Variants in LRRC8B observed in about 807,000 individuals in gnomAD.
LRRC8B encodes the protein volume-regulated anion channel subunit LRRC8B.
A neutral mutation model predicts 58.8 loss-of-function variants in LRRC8B; 23 were observed. That is an observed-to-expected ratio of 0.39 (90% confidence interval 0.28 to 0.55). LRRC8B has a LOEUF of 0.55. Ranked by LOEUF, LRRC8B falls within the 20% of genes least tolerant of loss-of-function variation. The pLI is 0.62. For missense variants in LRRC8B, 694 were observed against 936.0 expected, an observed-to-expected ratio of 0.74 and a Z score of 3.37; for synonymous variants, 359 against 374.1, an observed-to-expected ratio of 0.96 and a Z score of 0.47.
At chr1:89,573,432 T>C (rs182667580) in intron 3 of LRRC8B, among the ~76,000 whole-genome samples, 221 of 152,270 alleles carry the variant, frequency 1.5e-3, no homozygotes, top group Non-Finnish European at 2.5e-3. Flanking sequence ...TTTTATTTCA[T>C]TTATTCAATA....
chr1:89,591,363 G>C (rs1189821673), intron 5 of LRRC8B, among the ~76,000 whole-genome samples: 1 of 152,172 alleles, frequency 6.6e-6, no homozygotes, highest in African/African-American at 2.4e-5. Context: ...TTAGAAAGAG[G>C]TTGCATTTCT....
At chr1:89,567,939 A>G (rs1653162843) in intron 1 of LRRC8B, among the ~76,000 whole-genome samples, 1 of 152,274 alleles carries the variant, frequency 6.6e-6, no homozygotes, top group Non-Finnish European at 1.5e-5. Flanking sequence ...TGGCAAAAAA[A>G]GGTCTCAGTA....
At chr1:89,557,760 T>C (rs1652299104) in intron 1 of LRRC8B, among the ~76,000 whole-genome samples, 1 of 152,256 alleles carries the variant, frequency 6.6e-6, no homozygotes. Context: ...TATATGTTTT[T>C]CCTAATTTTT....
intron 3 of LRRC8B, among the ~76,000 whole-genome samples, chr1:89,575,508 A>G (rs1169947790): frequency 6.6e-6 from 1 of 152,154 alleles, no homozygotes; most frequent in Non-Finnish European, 1.5e-5. Flanking sequence ...ACTATGAAGT[A>G]AAAAAACCTC....
rs764726300 is a variant in LRRC8B at position 89,583,501 on chromosome 1, C to G, written c.851C>G (p.Thr284Ser). The G allele has an allele frequency of 3.1e-6, 5 of 1,613,712 alleles. No homozygotes were observed. Among genetic ancestry groups the G allele is most frequent in the Admixed American group, 3.3e-5 (2 of 60,024 alleles). ...GTTCCATATTTTTTAACCCACATCACTCTTGAAATCGACTGTTCAGTTGAT... is the reference window on the plus strand; with the variant it reads ...GTTCCATATTTTTTAACCCACATCAGTCTTGAAATCGACTGTTCAGTTGAT... ...TYVPYFLTHITLEIDCSVDVQ... is the reference protein window; with the variant it reads ...TYVPYFLTHISLEIDCSVDVQ... Residue 284 changes from threonine (T) to serine (S), a missense_variant, in exon 5 of 6, where the codon ACT (threonine) becomes AGT (serine). By Grantham distance (58) the Thr-to-Ser change is moderately conservative. Around this residue, in one of 5 missense-constraint regions of LRRC8B, gnomAD observed 316 missense variants for 403.8 expected, o/e 0.78. Coordinates refer to ENST00000330947, the MANE Select transcript of LRRC8B (RefSeq NM_001369817.2). The surrounding 1 kb of genome is among the most constrained non-coding windows in gnomAD (Gnocchi z 5.2).
chr1:89,559,112 G>A (rs561137679), intron 1 of LRRC8B: 3 of 152,270 alleles, frequency 2.0e-5, no homozygotes, highest in East Asian at 1.9e-4. Context: ...CACACATCTC[G>A]GTATATAGCC....
Position 89,546,231 on chromosome 1 carries a change from C to A in LRRC8B, c.-241+21209C>A, listed in dbSNP as rs539931860. ...GGATTTGTGAATGTATGCTGTGGAG[C>A]CTTGGTGAGTGCTAGTAGGCACTGG... On this transcript the variant is annotated intron_variant, in intron 1 of 5. Transcript: ENST00000330947. Among the ~76,000 whole-genome samples, 86 of 152,076 alleles carry A rather than the reference C, an allele frequency of 5.7e-4. 1 individual carries two copies. The highest frequency in any genetic ancestry group is 1.6e-3 in the African/African-American group (68 of 41,484).
At chr1:89,546,175 G>A (rs1430018402) in intron 1 of LRRC8B, among the ~76,000 whole-genome samples, 1 of 152,150 alleles carries the variant, frequency 6.6e-6, no homozygotes, top group Non-Finnish European at 1.5e-5. Context: ...GGTTGGAAAA[G>A]CGGCCTGGTA....
At chr1:89,560,551 C>A (rs1236509167) in intron 1 of LRRC8B, among the ~76,000 whole-genome samples, 1 of 150,184 alleles carries the variant, frequency 6.7e-6, no homozygotes, top group Non-Finnish European at 1.5e-5. Context: ...CCCACCCCAC[C>A]ACAGTCCCCA....
Position 89,588,619 on chromosome 1 carries a change from G to A in LRRC8B, c.2139+3830G>A, listed in dbSNP as rs201115782. Among the ~76,000 whole-genome samples, 37 of 152,340 alleles carry A rather than the reference G, an allele frequency of 2.4e-4. No homozygotes were observed. In the East Asian group the frequency reaches 5.8e-3, roughly 24 times the overall value. ...TGTTTGATTCATTGGATAGTGACTA[G>A]GGTGAGACTTGAGCTTGAAAGTGCT... On this transcript the variant is annotated intron_variant, in intron 5 of 5. Transcript: ENST00000330947.
intron 1 of LRRC8B, among the ~76,000 whole-genome samples, chr1:89,553,918 T>A (rs1651995411): frequency 1.3e-5 from 2 of 152,184 alleles, no homozygotes; most frequent in Non-Finnish European, 2.9e-5. Context: ...TAAATGTATT[T>A]TTCTGTCATT....
chr1:89,560,671 A>G (rs1384614228), intron 1 of LRRC8B, among the ~76,000 whole-genome samples: 1 of 149,924 alleles, frequency 6.7e-6, no homozygotes, highest in East Asian at 1.9e-4. Flanking sequence ...TTTACTGAGA[A>G]TGATGATTTC....
chr1:89,566,523 C>A (rs1419137714), intron 1 of LRRC8B, among the ~76,000 whole-genome samples: 3 of 152,156 alleles, frequency 2.0e-5, no homozygotes, highest in Non-Finnish European at 4.4e-5. Flanking sequence ...CAAACAAGAT[C>A]CCAGTGACTA....
chr1:89,536,566 A>G (rs1360394538), intron 1 of LRRC8B, among the ~76,000 whole-genome samples: 2 of 152,222 alleles, frequency 1.3e-5, no homozygotes. Context: ...TCCAACAGAG[A>G]AAACAGAAAA....
intron 3 of LRRC8B, among the ~76,000 whole-genome samples, chr1:89,576,607 C>T (rs1653868221): frequency 6.6e-6 from 1 of 152,140 alleles, no homozygotes. Context: ...AGACCTACTT[C>T]CTACCTTACA....
rs910355292 is a variant in LRRC8B at position 89,595,619 on chromosome 1, G to A, written c.*2576G>A. The A allele has an allele frequency of 6.6e-6, 1 of 152,034 alleles. No homozygotes were observed. The highest frequency in any genetic ancestry group is 1.5e-5 in the Non-Finnish European group (1 of 67,940). The allele number at this position is 152,034 out of a possible 1,614,324, so 9.4% of individuals were successfully genotyped here. ...CACACACTAGGGTATAATTATTGGTGCAATCTATGTTGTTCTTGATGCCAT... is the reference window on the plus strand; with the variant it reads ...CACACACTAGGGTATAATTATTGGTACAATCTATGTTGTTCTTGATGCCAT... On this transcript the variant is annotated 3_prime_UTR_variant, in exon 6 of 6. Coordinates refer to ENST00000330947, the MANE Select transcript of LRRC8B (RefSeq NM_001369817.2).
intron 1 of LRRC8B, among the ~76,000 whole-genome samples, chr1:89,540,650 G>A (rs1355769122): frequency 1.3e-5 from 2 of 152,140 alleles, no homozygotes; most frequent in Non-Finnish European, 2.9e-5. Context: ...TCTATACAAA[G>A]CATACAGCTT....
chr1:89,585,840 A>G (rs931162634), intron 5 of LRRC8B, among the ~76,000 whole-genome samples: 1 of 151,806 alleles, frequency 6.6e-6, no homozygotes, highest in Non-Finnish European at 1.5e-5. Flanking sequence ...AAGAAAGAAA[A>G]TGTATTATCT....
intron 1 of LRRC8B, among the ~76,000 whole-genome samples, chr1:89,538,618 A>G (rs941526726): frequency 6.6e-6 from 1 of 152,232 alleles, no homozygotes; most frequent in African/African-American, 2.4e-5. Context: ...CAAAGTAACT[A>G]AATATTTTAA....
Sources: allele counts gnomAD v4.1 joint callset (sites outside exome capture counted in the v4.1 genomes callset), GRCh38; gene constraint gnomAD v4.1.1; regional missense constraint gnomAD v4.1.1; non-coding constraint Gnocchi (gnomAD v3.1); transcripts MANE v1.5; gene names NCBI Gene and HGNC (gene_info 2026-07-23, HGNC 2026-07-21).